Variants in FLNC observed in about 807,000 individuals in gnomAD.
FLNC encodes the protein filamin C, also known as filamin-C.
Under a neutral mutation model 254.3 loss-of-function variants are expected in FLNC, and 91 were observed. The observed-to-expected ratio is 0.36, with a 90% CI of 0.30 to 0.43. The LOEUF (loss-of-function observed/expected upper bound fraction) is 0.43. Among genes scored for constraint, FLNC ranks in the 20% least tolerant of loss-of-function variants. The pLI, the probability that FLNC is intolerant of heterozygous loss-of-function variation, is 1.00. For missense variants in FLNC, 2,853 were observed against 3,802.6 expected, an observed-to-expected ratio of 0.75 and a Z score of 6.57; for synonymous variants, 1,430 against 1,577.2, an observed-to-expected ratio of 0.91 and a Z score of 2.21.
At chr7:128,854,716 T>A in intron 41 of FLNC, 34 bp downstream of exon 41, 1 of 1,612,708 alleles carries the variant, frequency 6.2e-7, no homozygotes, top group South Asian at 1.1e-5. Context: ...GGGGATGAAG[T>A]CAGGGCAGCC....
intron 10 of FLNC, 68 bp from the exon 11 acceptor site, chr7:128,840,765 TG>T: frequency 6.6e-7 from 1 of 1,504,302 alleles, no homozygotes; most frequent in South Asian, 1.2e-5. Context: ...TGAGGGGAGA[TG>T]GAGTTTGGGC....
intron 6 of FLNC, 64 bp downstream of exon 6, chr7:128,838,128 C>T: frequency 2.0e-6 from 3 of 1,512,302 alleles, no homozygotes; most frequent in Non-Finnish European, 2.8e-6. Flanking sequence ...GCTGCATGGA[C>T]CCCTCTCTCA....
rs369305865 is a variant in FLNC at position 128,847,832 on chromosome 7, C to T, written c.4424C>T (p.Ala1475Val). 1.9e-5 allele frequency: 30 copies of T among 1,613,520 alleles called. No individual in the cohort carries two copies. In the Admixed American group the frequency reaches 2.3e-4, roughly 13 times the overall value. The change falls in exon 25 of 48, where the codon GCG becomes GTG. Residue 1475 changes from alanine to valine, a missense_variant. Around this residue, in one of 10 missense-constraint regions of FLNC, gnomAD observed 1,573 missense variants for 1,883.5 expected, o/e 0.84. Coordinates refer to ENST00000325888, the MANE Select transcript of FLNC (RefSeq NM_001458.5). ...FTVDCSQAGR[A>V]PLQVAVLGPT... ...GTGGATTGCAGTCAAGCTGGCCGGG[C>T]GCCCCTGCAGGTGGCTGTGCTGGGC... is the stretch of plus-strand genomic sequence containing the variant.
rs1439304519 is a variant in FLNC, at chr7:128,852,885, G to A, written c.6062G>A (p.Gly2021Asp). Residue 2021 changes from glycine to aspartate, a missense_variant, in exon 37 of 48, where the codon GGC (glycine) becomes GAC (aspartate). By Grantham distance (94) the Gly-to-Asp change is moderately conservative. Coordinates refer to ENST00000325888, the MANE Select transcript of FLNC (RefSeq NM_001458.5). ...CACGTGGTGAGCGTGCGCAAGAGTG[G>A]CAAGCATGTCACCAACAGCCCCTTC... Reference protein sequence around the residue: ...GEHVVSVRKSGKHVTNSPFKI... With the variant: ...GEHVVSVRKSDKHVTNSPFKI... 1.9e-6 allele frequency: 3 copies of A among 1,613,766 alleles called. No individual in the cohort carries two copies. The highest frequency in any genetic ancestry group is 1.7e-5 in the Admixed American group (1 of 60,016).
At position 128,845,993 on chromosome 7, in the gene FLNC, T is replaced by C. The variant is rs1463862900; in HGVS notation, c.3794T>C (p.Val1265Ala). 1.2e-6 allele frequency: 2 copies of C among 1,613,498 alleles called. No individual in the cohort carries two copies. Among genetic ancestry groups the C allele is most frequent in the African/African-American group, 2.7e-5 (2 of 74,862 alleles). ...VSGPGVEPHG[V>A]LREVTTEFTV... ...ACACGCCACCCCTGGGCTCCAGGTG[T>C]CCTGCGGGAGGTGACCACTGAGTTC... Residue 1265 changes from valine (V) to alanine (A), a missense_variant, in exon 22 of 48, where the codon GTC becomes GCC. This residue lies in a region of FLNC where 1,573 missense variants were observed against 1,883.5 expected (regional missense o/e 0.84). Transcript: ENST00000325888.
At chr7:128,850,189 G>A (rs1808749304) in intron 31 of FLNC, 115 bp downstream of exon 31, 13 of 1,022,396 alleles carry the variant, frequency 1.3e-5, no homozygotes, top group Admixed American at 1.2e-4. Context: ...TGGGGAGCAG[G>A]CAAGAGTTAG....
At position 128,840,588 on chromosome 7, in the gene FLNC, T is replaced by C. The variant is rs760792359; in HGVS notation, c.1590T>C (p.Asp530=). 4 of 1,614,174 alleles carry C rather than the reference T, an allele frequency of 2.5e-6. No individual in the cohort carries two copies. Among genetic ancestry groups the C allele is most frequent in the Non-Finnish European group, 3.4e-6 (4 of 1,180,022 alleles). ...CAGTGAAGGTGCGGGAGGCTGGGGA[T>C]GGTGTGTTCGAGTGCGAGTACTACC... ...EEPVKVREAG[D]GVFECEYYPV... The change falls in exon 10 of 48, where the codon GAT becomes GAC. Residue 530 remains aspartate, a synonymous_variant. Coordinates refer to ENST00000325888, the MANE Select transcript of FLNC (RefSeq NM_001458.5).
Position 128,842,733 on chromosome 7 carries a change from G to C in FLNC, c.2389+35G>C. On this transcript the variant is annotated intron_variant, in intron 15 of 47. Transcript: ENST00000325888. This position sits in a 1 kb window ranked among gnomAD's most constrained non-coding sequence, Gnocchi z 5.4. The stretch of plus-strand genomic sequence containing the variant: ...GCCGGAAGGGGTGGGTCTGGGAGGG[G>C]GCGGGGGTGAGTCGAGTCGGGGGCT... 6.3e-7 allele frequency: 1 copy of C among 1,582,142 alleles called. No individual in the cohort carries two copies. The highest frequency in any genetic ancestry group is 8.6e-7 in the Non-Finnish European group (1 of 1,164,324).
At position 128,858,702 on chromosome 7, in the gene FLNC, G is replaced by A. The variant is rs370176726; in HGVS notation, c.*179G>A. 4.5e-5 allele frequency: 28 copies of A among 626,108 alleles called. 1 individual carries two copies. Among genetic ancestry groups the A allele is most frequent in the East Asian group, 2.5e-4 (9 of 36,378 alleles). The allele number at this position is 626,108 out of a possible 1,614,324, so 38.8% of individuals were successfully genotyped here. A position where few individuals can be genotyped will look rare whatever the true frequency, so the allele number is the denominator to read the frequency against. ...CCCACCCCACCGCGCCCCAGGGGTT[G>A]GAGGACCTTGTCTGTGTCAGGACAG... On this transcript the variant is annotated 3_prime_UTR_variant, in exon 48 of 48. Coordinates refer to ENST00000325888, the MANE Select transcript of FLNC (RefSeq NM_001458.5). This position sits in a 1 kb window ranked among gnomAD's most constrained non-coding sequence, Gnocchi z 6.7.
At chr7:128,853,120 T>C in intron 37 of FLNC, 89 bp downstream of exon 37, 1 of 1,309,424 alleles carries the variant, frequency 7.6e-7, no homozygotes, top group South Asian at 1.2e-5. Context: ...TTGGCCGCAC[T>C]CTCTCCTCCC....
At chr7:128,850,518 G>T (rs772933590) in intron 32 of FLNC, 35 bp downstream of exon 32, 15 of 1,534,980 alleles carry the variant, frequency 9.8e-6, no homozygotes, top group Non-Finnish European at 1.2e-5. Flanking sequence ...TGAGGGCTGA[G>T]GGGAGAAACC....
In FLNC at chr7:128,841,832, C is replaced by A. The variant is rs980078175; in HGVS notation, c.2121+265C>A. ...AAAGATTGTTTCATTGAATAAGACA[C>A]TGGTTTCCCAAGTCAGTTTCTCAGA... On this transcript the variant is annotated intron_variant, in intron 13 of 47. Transcript: ENST00000325888. The surrounding 1 kb of genome is among the most constrained non-coding windows in gnomAD (Gnocchi z 4.3). Among the ~76,000 whole-genome samples the A allele has an allele frequency of 2.0e-5, 3 of 152,256 alleles. No homozygotes were observed. The highest frequency in any genetic ancestry group is 7.2e-5 in the African/African-American group (3 of 41,460).
intron 33 of FLNC, 69 bp from the exon 34 acceptor site, chr7:128,851,163 T>C: frequency 1.2e-6 from 2 of 1,609,820 alleles, no homozygotes; most frequent in Non-Finnish European, 1.7e-6. Flanking sequence ...TGCTGGAAGG[T>C]GCTGGGGCCA....
At chr7:128,834,682 CA>C (rs968101267) in intron 1 of FLNC, among the ~76,000 whole-genome samples, 6 of 149,262 alleles carry the variant, frequency 4.0e-5, no homozygotes, top group African/African-American at 1.5e-4. Flanking sequence ...AAAACCAGAC[CA>C]AAAAAAAAGA....
At chr7:128,852,795 C>T in intron 36 of FLNC, 33 bp from the exon 37 acceptor site, 1 of 1,613,646 alleles carries the variant, frequency 6.2e-7, no homozygotes, top group Non-Finnish European at 8.5e-7. Flanking sequence ...TGGGGGCCCA[C>T]AGGATGCTCT....
At position 128,849,331 on chromosome 7, in the gene FLNC, G is replaced by T; in HGVS notation, c.4952G>T (p.Gly1651Val). ...VTVSIGGHGL[G>V]ACLGPRIQIG... ...CTGAGCAGGATCTCCCGCATGGCAGGTGCCTGCCTGGGCCCTCGAATCCAG... is the reference window on the plus strand; with the variant it reads ...CTGAGCAGGATCTCCCGCATGGCAGTTGCCTGCCTGGGCCCTCGAATCCAG... The change falls in exon 30 of 48, where the codon GGT (glycine) becomes GTT (valine). Residue 1651 changes from glycine (G) to valine (V), a missense_variant and splice_region_variant. Gly to Val is a moderately radical substitution (Grantham distance 109). This residue lies in a region of FLNC where 258 missense variants were observed against 312.3 expected (regional missense o/e 0.83). Transcript: ENST00000325888. 2.5e-6 allele frequency: 4 copies of T among 1,614,130 alleles called. No homozygotes were observed. The highest frequency in any genetic ancestry group is 3.4e-6 in the Non-Finnish European group (4 of 1,180,030).
chr7:128,846,887 G>T lies in FLNC; in HGVS notation c.4270G>T (p.Gly1424Trp). 6.2e-7 allele frequency: 1 copy of T among 1,614,188 alleles called. No homozygotes were observed. Among genetic ancestry groups the T allele is most frequent in the Non-Finnish European group, 8.5e-7 (1 of 1,180,014 alleles). ...PGDYDVNITF[G>W]GRPIPGSPFR... is the part of the protein sequence containing the mutation. ...AGACTATGACGTCAACATCACCTTC[G>T]GGGGGCGGCCCATCCCAGGTGTGCA... The change falls in exon 24 of 48, where the codon GGG (glycine) becomes TGG (tryptophan). Residue 1424 changes from glycine (G) to tryptophan (W), a missense_variant. Gly to Trp is a radical substitution (Grantham distance 184, BLOSUM62 -2). This residue lies in a region of FLNC where 1,573 missense variants were observed against 1,883.5 expected (regional missense o/e 0.84). Transcript: ENST00000325888.
chr7:128,843,171 G>A (rs546970942), intron 16 of FLNC, 58 bp from the exon 17 acceptor site: 2 of 1,499,706 alleles, frequency 1.3e-6, no homozygotes, highest in South Asian at 2.4e-5. Context: ...CCAGCATCTA[G>A]CTGAGAGCAG....
chr7:128,849,213 C>A lies in FLNC; in HGVS notation c.4951+9C>A, dbSNP rs1808701087. 1 of 1,613,996 alleles carries A rather than the reference C, an allele frequency of 6.2e-7. No homozygotes were observed. The highest frequency in any genetic ancestry group is 8.5e-7 in the Non-Finnish European group (1 of 1,180,028). On this transcript the variant is annotated intron_variant, in intron 29 of 47. Transcript: ENST00000325888. ...TGGAGGCCATGGCCTGGGTGAGTGC[C>A]CTTTCTCTCCTCTTCTTGGTGTGGG...
Sources: gnomAD v4.1 joint callset for allele counts (sites outside exome capture counted in the v4.1 genomes callset) on GRCh38, gnomAD v4.1.1 for gene constraint, gnomAD v4.1.1 regional missense constraint, Gnocchi (gnomAD v3.1) non-coding constraint, MANE v1.5 for transcripts, NCBI Gene and HGNC (gene_info 2026-07-23, HGNC 2026-07-21) for gene names.